TBC1D32: variants seen among roughly 807,000 people sequenced by gnomAD.
TBC1D32 encodes the protein TBC1 domain family member 32.
Under a neutral mutation model 170.3 loss-of-function variants are expected in TBC1D32, and 151 were observed. The observed-to-expected ratio is 0.89, with a 90% CI of 0.78 to 1.01. The LOEUF (loss-of-function observed/expected upper bound fraction) is 1.01. TBC1D32 is among the 50% of genes least tolerant of loss of function. TBC1D32 has a pLI of 0.00. For missense variants in TBC1D32, 1,464 were observed against 1,457.1 expected, an observed-to-expected ratio of 1.00 and a Z score of -0.08; for synonymous variants, 498 against 488.0, an observed-to-expected ratio of 1.02 and a Z score of -0.27.
At chr6:121,299,569 CATGATTTCTA>C (rs2128473347) in intron 9 of TBC1D32, 64 bp from the exon 10 acceptor site, 1 of 1,407,678 alleles carries the variant, frequency 7.1e-7, no homozygotes, top group East Asian at 2.7e-5. Context: ...ATTTTTCCTG[CATGATTTCTA>C]ATGACAACAT....
chr6:121,186,640 T>G (rs1789244028), intron 22 of TBC1D32, among the ~76,000 whole-genome samples: 1 of 152,028 alleles, frequency 6.6e-6, no homozygotes, highest in Non-Finnish European at 1.5e-5. Context: ...AAAAAGGAAA[T>G]TTATAATTTC....
chr6:121,090,091 G>A (rs1261046995), intron 31 of TBC1D32, among the ~76,000 whole-genome samples: 1 of 152,124 alleles, frequency 6.6e-6, no homozygotes, highest in East Asian at 1.9e-4. Context: ...CGCCAACACA[G>A]CCAGCTAATT....
intron 2 of TBC1D32, among the ~76,000 whole-genome samples, chr6:121,318,895 C>A (rs903875451): frequency 1.3e-5 from 2 of 150,910 alleles, no homozygotes; most frequent in South Asian, 2.1e-4. Flanking sequence ...TGCGTCATTG[C>A]AACTCTATAA....
At chr6:121,208,729 G>GAAAAAAAAAAAA (rs57771111) in intron 21 of TBC1D32, among the ~76,000 whole-genome samples, 4 of 86,916 alleles carry the variant, frequency 4.6e-5, no homozygotes, top group Non-Finnish European at 9.4e-5. Context: ...GAAACACCTG[G>GAAAAAAAAAAAA]AAAAAAAAAA....
intron 22 of TBC1D32, among the ~76,000 whole-genome samples, chr6:121,176,686 C>A (rs959740621): frequency 1.3e-5 from 2 of 152,040 alleles, no homozygotes; most frequent in Non-Finnish European, 2.9e-5. Flanking sequence ...GCAACCTCCA[C>A]CTCCCAGGTT....
At position 121,296,050 on chromosome 6, in the gene TBC1D32, C is replaced by G. The variant is rs567833687; in HGVS notation, c.1141-1390G>C. ...CAGAGGGTTTCTATGTGAACAGCAC[C>G]CCCACCTCAAAAACAAAAACCAGGC... On this transcript the variant is annotated intron_variant, in intron 10 of 31. Transcript: ENST00000398212. 2.0e-4 allele frequency among the ~76,000 whole-genome samples: 31 copies of G among 152,170 alleles called. No individual in the cohort carries two copies. The East Asian group carries it at 5.2e-3, about 26-fold the overall frequency.
At chr6:121,229,441 A>G (rs376360044) in intron 20 of TBC1D32, among the ~76,000 whole-genome samples, 13 of 152,190 alleles carry the variant, frequency 8.5e-5, no homozygotes, top group Admixed American at 5.9e-4. Flanking sequence ...CAGGAAGTGC[A>G]CAGTCAGGGA....
intron 22 of TBC1D32, among the ~76,000 whole-genome samples, chr6:121,171,584 C>G (rs964841189): frequency 4.0e-5 from 6 of 151,856 alleles, no homozygotes; most frequent in Non-Finnish European, 7.4e-5. Context: ...ATCTAAATAT[C>G]AGCATATCAG....
intron 22 of TBC1D32, among the ~76,000 whole-genome samples, chr6:121,198,219 T>C (rs1163663177): frequency 9.1e-6 from 1 of 110,074 alleles, no homozygotes; most frequent in Non-Finnish European, 1.9e-5. Flanking sequence ...TATATATATG[T>C]GTGTATAATA....
At chr6:121,274,826 G>C (rs944566449) in intron 15 of TBC1D32, among the ~76,000 whole-genome samples, 2 of 152,140 alleles carry the variant, frequency 1.3e-5, no homozygotes, top group African/African-American at 2.4e-5. Context: ...AGGTGGGAAG[G>C]CTCAAAAACA....
chr6:121,270,578 G>A (rs922659941), intron 15 of TBC1D32, among the ~76,000 whole-genome samples: 1 of 152,036 alleles, frequency 6.6e-6, no homozygotes, highest in Admixed American at 6.6e-5. Context: ...CTGAATCCCT[G>A]AATAGACCAA....
intron 31 of TBC1D32, among the ~76,000 whole-genome samples, chr6:121,087,058 C>A (rs1776334511): frequency 6.6e-6 from 1 of 152,162 alleles, no homozygotes; most frequent in Non-Finnish European, 1.5e-5. Context: ...CAGAGGCTGC[C>A]TTCTAGCTCG....
intron 23 of TBC1D32, among the ~76,000 whole-genome samples, chr6:121,160,326 C>T (rs1003487306): frequency 6.6e-6 from 1 of 151,880 alleles, no homozygotes; most frequent in Non-Finnish European, 1.5e-5. Context: ...GTACTGAGGA[C>T]AAACATATGG....
At chr6:121,194,177 T>A (rs1790425712) in intron 22 of TBC1D32, among the ~76,000 whole-genome samples, 1 of 152,164 alleles carries the variant, frequency 6.6e-6, no homozygotes, top group Non-Finnish European at 1.5e-5. Flanking sequence ...CACGTTGACT[T>A]ACAGTGTGTC....
At chr6:121,199,846 AT>A (rs1225515617) in intron 22 of TBC1D32, among the ~76,000 whole-genome samples, 1 of 151,462 alleles carries the variant, frequency 6.6e-6, no homozygotes, top group Non-Finnish European at 1.5e-5. Flanking sequence ...AAATACTAAC[AT>A]TTGGCTATGT....
chr6:121,195,115 G>C lies in TBC1D32; in HGVS notation c.2570+9960C>G, dbSNP rs919417155. Among the ~76,000 whole-genome samples the C allele has an allele frequency of 2.6e-5, 4 of 152,138 alleles. No homozygotes were observed. In the South Asian group the frequency reaches 8.3e-4, roughly 31 times the overall value. On this transcript the variant is annotated intron_variant, in intron 22 of 31. Transcript: ENST00000398212. ...TCGGAGGCAACACATTCCTCACTTG[G>C]GTGTGTTACTCCAGCCCATTTATTA...
chr6:121,097,345 T>G (rs1404085054), intron 30 of TBC1D32, among the ~76,000 whole-genome samples: 2 of 151,702 alleles, frequency 1.3e-5, no homozygotes, highest in Non-Finnish European at 1.5e-5. Flanking sequence ...TCAAAAAAAT[T>G]TACAAGAAAA....
intron 2 of TBC1D32, among the ~76,000 whole-genome samples, chr6:121,318,581 G>C (rs1460576612): frequency 6.6e-6 from 1 of 151,932 alleles, no homozygotes; most frequent in Non-Finnish European, 1.5e-5. Context: ...TAGAAAACTT[G>C]AATGGGGATC....
intron 24 of TBC1D32, among the ~76,000 whole-genome samples, chr6:121,141,723 G>A (rs1446552216): frequency 6.6e-6 from 1 of 152,022 alleles, no homozygotes; most frequent in Non-Finnish European, 1.5e-5. Flanking sequence ...ATACTGAAGA[G>A]AAATGAAATG....
Sources: allele counts gnomAD v4.1 joint callset (sites outside exome capture counted in the v4.1 genomes callset), GRCh38; gene constraint gnomAD v4.1.1; transcripts MANE v1.5; gene names NCBI Gene and HGNC (gene_info 2026-07-23, HGNC 2026-07-21).